PKD1L1: variants seen among roughly 807,000 people sequenced by gnomAD.
PKD1L1 encodes polycystin 1 like 1, transient receptor potential channel interacting.
PKD1L1 carries 236 observed loss-of-function variants against 323.4 expected under a neutral mutation model. The observed-to-expected ratio is 0.73, with a 90% CI of 0.66 to 0.81. The LOEUF (loss-of-function observed/expected upper bound fraction) is 0.81. Among genes scored for constraint, PKD1L1 ranks in the 40% least tolerant of loss-of-function variants. The pLI is 0.00. For synonymous variants in PKD1L1, 1,344 were observed against 1,335.0 expected, an observed-to-expected ratio of 1.01 and a Z score of -0.15; for missense variants, 3,320 against 3,508.0, an observed-to-expected ratio of 0.95 and a Z score of 1.35.
intron 8 of PKD1L1, among the ~76,000 whole-genome samples, chr7:47,911,367 G>A (rs758557079): frequency 8.5e-5 from 13 of 152,194 alleles, no homozygotes; most frequent in Non-Finnish European, 1.8e-4. Flanking sequence ...CTGCAGAACC[G>A]TGAGCCAATT....
At chr7:47,960,400 AAAAAGAAAAAAAAAG>A in the PKD1L1 span, among the ~76,000 whole-genome samples, 10 of 143,922 alleles carry the variant, frequency 6.9e-5, no homozygotes, top group African/African-American at 1.5e-4. Context: ...AAAAACTGTA[AAAAAGAAAAAAAAAG>A]AGCTCCATAT....
intron 56 of PKD1L1, among the ~76,000 whole-genome samples, chr7:47,789,548 TG>T (rs1454998046): frequency 6.6e-6 from 1 of 152,184 alleles, no homozygotes. Context: ...CCTTCTGTTT[TG>T]CTTAGTGTGT....
At chr7:47,801,987 C>G (rs1294196879) in intron 53 of PKD1L1, among the ~76,000 whole-genome samples, 1 of 151,906 alleles carries the variant, frequency 6.6e-6, no homozygotes, top group Non-Finnish European at 1.5e-5. Context: ...GTCAGGAGAT[C>G]GAGACCATCC....
At chr7:47,858,021 T>A (rs1236521895) in intron 27 of PKD1L1, among the ~76,000 whole-genome samples, 189 bp from the exon 28 acceptor site, 1 of 152,144 alleles carries the variant, frequency 6.6e-6, no homozygotes, top group African/African-American at 2.4e-5. Flanking sequence ...CTTAAACACT[T>A]GTGAGTAATG....
intron 31 of PKD1L1, among the ~76,000 whole-genome samples, chr7:47,847,871 G>A (rs1215961318): frequency 1.3e-5 from 2 of 151,898 alleles, no homozygotes; most frequent in East Asian, 1.9e-4. Context: ...AGAAATGGTG[G>A]ATAAATTACT....
At chr7:47,780,941 G>A (rs973297299) in intron 56 of PKD1L1, among the ~76,000 whole-genome samples, 2 of 152,252 alleles carry the variant, frequency 1.3e-5, no homozygotes, top group East Asian at 1.9e-4. Context: ...ATTTCTGGGC[G>A]ATAAGTTTTC....
rs147293358 is a variant in PKD1L1, at chr7:47,827,427, C to A, written c.6777G>T (p.Ala2259=). The change falls in exon 45 of 57, where the codon GCG becomes GCT. Residue 2259 remains alanine (A), a synonymous_variant. Transcript: ENST00000289672. ...ARQQARHLRW[A]HPPSKAQLRG... is the part of the protein sequence containing the mutation. ...TCAGCTGGGCCTTGGATGGTGGATG[C>A]GCCCAGCGCAGGTGGCGAGCTTGTT... The A allele has an allele frequency of 1.2e-4, 191 of 1,612,682 alleles. No individual in the cohort carries two copies. The highest frequency in any genetic ancestry group is 1.7e-4 in the Middle Eastern group (1 of 6,058).
chr7:47,893,819 G>C, intron 15 of PKD1L1, 59 bp downstream of exon 15: 1 of 1,532,962 alleles, frequency 6.5e-7, no homozygotes, highest in Non-Finnish European at 8.9e-7. Context: ...TCCAGAGCCT[G>C]CATTTGCAGA....
At chr7:47,926,342 C>T (rs75318709) in intron 7 of PKD1L1, among the ~76,000 whole-genome samples, 3 of 152,204 alleles carry the variant, frequency 2.0e-5, no homozygotes, top group Non-Finnish European at 4.4e-5. Context: ...TTGTATCTAC[C>T]TATGACCTGA....
intron 56 of PKD1L1, among the ~76,000 whole-genome samples, chr7:47,783,599 T>C (rs1331121972): frequency 6.6e-6 from 1 of 152,114 alleles, no homozygotes; most frequent in Non-Finnish European, 1.5e-5. Context: ...TCCAATATGA[T>C]TGTGTTATAA....
intron 12 of PKD1L1, among the ~76,000 whole-genome samples, chr7:47,903,762 A>G (rs570979886): frequency 6.6e-6 from 1 of 152,092 alleles, no homozygotes; most frequent in East Asian, 1.9e-4. Context: ...GTGTCTCCCT[A>G]CTGAAAGGAT....
rs939358083 is a variant in PKD1L1, at chr7:47,833,580, C to T, written c.6175-328G>A. Among the ~76,000 whole-genome samples the T allele has an allele frequency of 2.6e-5, 4 of 152,220 alleles. No individual in the cohort carries two copies. The East Asian group carries it at 5.8e-4, about 22-fold the overall frequency. On this transcript the variant is annotated intron_variant, in intron 40 of 56. Transcript: ENST00000289672. ...ATCCAGCCAAGAGCAACGGGTTGAA[C>T]AAAGCCTCCAAGTGGGGAGGGCGCA... is the stretch of plus-strand genomic sequence containing the variant.
intron 1 of PKD1L1, among the ~76,000 whole-genome samples, chr7:47,945,065 AGTCACCTTGCCTCTCTGT>A (rs1788067865): frequency 6.6e-6 from 1 of 152,294 alleles, no homozygotes; most frequent in African/African-American, 2.4e-5. Flanking sequence ...AGACACAGGC[AGTCACCTTGCCTCTCTGT>A]GTCAGTCTCC....
At chr7:47,932,445 G>A (rs1030819400) in intron 4 of PKD1L1, among the ~76,000 whole-genome samples, 65 of 152,356 alleles carry the variant, frequency 4.3e-4, no homozygotes, top group Admixed American at 1.9e-3. Context: ...GGGGCACCGC[G>A]GAAGGCCTGG....
rs187140930 is a variant in PKD1L1, at chr7:47,801,426, C to T, written c.7963-547G>A. Among the ~76,000 whole-genome samples the T allele has an allele frequency of 2.6e-4, 40 of 152,270 alleles. 1 individual carries two copies. The highest frequency in any genetic ancestry group is 7.0e-4 in the African/African-American group (29 of 41,564). ...ATCTGAGGGGTTGTATCACTGGCTCCGTTCATGCTTCTCACTCCATCTGCT... is the reference window on the plus strand; with the variant it reads ...ATCTGAGGGGTTGTATCACTGGCTCTGTTCATGCTTCTCACTCCATCTGCT... On this transcript the variant is annotated intron_variant, in intron 53 of 56. Transcript: ENST00000289672.
chr7:47,905,108 T>A, intron 11 of PKD1L1, 49 bp downstream of exon 11: 1 of 1,578,300 alleles, frequency 6.3e-7, no homozygotes, highest in Non-Finnish European at 8.6e-7. Context: ...AGACTGAGTA[T>A]AGGCTGCAGT....
At position 47,946,996 on chromosome 7, in the gene PKD1L1, G is replaced by A. The variant is rs1180054379; in HGVS notation, c.44+1401C>T. On this transcript the variant is annotated intron_variant, in intron 1 of 56. Coordinates refer to ENST00000289672, the MANE Select transcript of PKD1L1 (RefSeq NM_138295.5). The surrounding 1 kb of genome is among the most constrained non-coding windows in gnomAD (Gnocchi z 4.1). ...TTGCAATTCCCTGACTGATAAGAGT[G>A]AAGGTCAAATTGGGCCAACATCAAG... 6.6e-6 allele frequency among the ~76,000 whole-genome samples: 1 copy of A among 152,198 alleles called. No homozygotes were observed. Among genetic ancestry groups the A allele is most frequent in the Non-Finnish European group, 1.5e-5 (1 of 68,042 alleles).
chr7:47,906,302 A>G (rs1324404384), intron 9 of PKD1L1, among the ~76,000 whole-genome samples: 2 of 152,216 alleles, frequency 1.3e-5, no homozygotes, highest in Non-Finnish European at 2.9e-5. Context: ...TCTTCACTTC[A>G]CAGGAGTTCT....
At chr7:47,809,248 G>A in intron 51 of PKD1L1, 1 of 426,648 alleles carries the variant, frequency 2.3e-6, no homozygotes. Context: ...GATCTTATGG[G>A]ACCACCACCT....
Sources: gnomAD v4.1 joint callset for allele counts (sites outside exome capture counted in the v4.1 genomes callset) on GRCh38, gnomAD v4.1.1 for gene constraint, Gnocchi (gnomAD v3.1) non-coding constraint, MANE v1.5 for transcripts, NCBI Gene and HGNC (gene_info 2026-07-23, HGNC 2026-07-21) for gene names.